Variants in CCT8 observed in about 807,000 individuals in gnomAD.
The protein encoded by CCT8 is T-complex protein 1 subunit theta.
A neutral mutation model predicts 65.7 loss-of-function variants in CCT8; 10 were observed. That is an observed-to-expected ratio of 0.15 (90% CI 0.09 to 0.26). The LOEUF is 0.26. Ranked by LOEUF, CCT8 falls within the 10% of genes least tolerant of loss-of-function variation. The pLI is 1.00. For missense variants in CCT8, 568 were observed against 669.1 expected, an observed-to-expected ratio of 0.85 and a Z score of 1.67; for synonymous variants, 199 against 221.8, an observed-to-expected ratio of 0.90 and a Z score of 0.92.
chr21:29,073,234 C>T, intron 1 of CCT8: 2 of 1,288,122 alleles, frequency 1.6e-6, no homozygotes, highest in South Asian at 1.8e-5. Flanking sequence ...GCCTTAGCCC[C>T]ATTTACGGAT....
At chr21:29,065,142 TG>T in intron 6 of CCT8, 37 bp from the exon 7 acceptor site, 1 of 1,600,942 alleles carries the variant, frequency 6.2e-7, no homozygotes, top group East Asian at 2.2e-5. Context: ...AGCAATCTCC[TG>T]AAAATAACAT....
chr21:29,073,095 G>A (rs975458132), intron 1 of CCT8: 20 of 207,144 alleles, frequency 9.7e-5, no homozygotes, highest in African/African-American at 4.2e-4. Context: ...CTCTTCTCTG[G>A]ATCGGCTAGT....
At position 29,062,213 on chromosome 21, in the gene CCT8, A is replaced by G; in HGVS notation, c.1127T>C (p.Val376Ala). 2 of 1,613,860 alleles carry G rather than the reference A, an allele frequency of 1.2e-6. No individual in the cohort carries two copies. ...EKEDGAISTIVLRGSTDNLMD... is the reference protein window; with the variant it reads ...EKEDGAISTIALRGSTDNLMD... ...CAGATTGTCTGTAGAGCCTCGAAGT[A>G]CTATGGTAGAAATGGCGCCATCTTC... The change falls in exon 11 of 15, where the codon GTA becomes GCA. Residue 376 changes from valine to alanine, a missense_variant. Coordinates refer to ENST00000286788, the MANE Select transcript of CCT8 (RefSeq NM_006585.4).
At chr21:29,071,918 C>T in intron 1 of CCT8, 3 of 702,170 alleles carry the variant, frequency 4.3e-6, no homozygotes, top group East Asian at 5.4e-5. Flanking sequence ...CCCTACGTAT[C>T]CCGGCCCTTG....
intron 8 of CCT8, among the ~76,000 whole-genome samples, chr21:29,063,071 C>T (rs2085581809): frequency 6.6e-6 from 1 of 152,166 alleles, no homozygotes; most frequent in Admixed American, 6.5e-5. Flanking sequence ...ATAGGCAATG[C>T]ACCAAGCTTG....
chr21:29,068,502 C>G (rs949076310), intron 3 of CCT8, among the ~76,000 whole-genome samples: 1 of 151,944 alleles, frequency 6.6e-6, no homozygotes, highest in African/African-American at 2.4e-5. Flanking sequence ...CTCTGTCGCC[C>G]AGGCTGGAGT....
intron 14 of CCT8, among the ~76,000 whole-genome samples, chr21:29,057,733 GATAT>G (rs144293608): frequency 4.1e-4 from 37 of 90,752 alleles, no homozygotes; most frequent in East Asian, 1.1e-3. Context: ...ATATATGTAT[GATAT>G]ATATATCATG....
At position 29,060,680 on chromosome 21, in the gene CCT8, T is replaced by G; in HGVS notation, c.1450-20A>C. 1 of 1,611,480 alleles carries G rather than the reference T, an allele frequency of 6.2e-7. No individual in the cohort carries two copies. Among genetic ancestry groups the G allele is most frequent in the Non-Finnish European group, 8.5e-7 (1 of 1,178,970 alleles). The stretch of plus-strand genomic sequence containing the variant: ...TTCAGCCTGTCAAACACAATTTTCA[T>G]CCTTTCATTTAAAATCCTTTTATGT... On this transcript the variant is annotated intron_variant, in intron 13 of 14. Transcript: ENST00000286788.
intron 6 of CCT8, among the ~76,000 whole-genome samples, chr21:29,066,081 CAAA>C (rs10597265): frequency 0.011 from 1,114 of 102,684 alleles, 9 homozygotes; most frequent in African/African-American, 0.034. Context: ...GACTCCATCT[CAAA>C]AAAAAAAAAA....
chr21:29,072,123 G>A lies in CCT8; in HGVS notation c.60+1408C>T, dbSNP rs551247274. 7 of 606,854 alleles carry A rather than the reference G, an allele frequency of 1.2e-5. No individual in the cohort carries two copies. The African/African-American group carries it at 1.3e-4, about 11-fold the overall frequency. The allele number at this position is 606,854 out of a possible 1,614,324, so 37.6% of individuals were successfully genotyped here. Reference sequence around the variant, plus strand: ...TCGGGGGAAACAGCCCAGGCTCAGGGGCTTCTCTCACTAAGCACTGAGCTA... The same window carrying A: ...TCGGGGGAAACAGCCCAGGCTCAGGAGCTTCTCTCACTAAGCACTGAGCTA... On this transcript the variant is annotated intron_variant, in intron 1 of 14. Transcript: ENST00000286788.
chr21:29,070,217 T>G (rs750554803), intron 2 of CCT8, 30 bp downstream of exon 2: 1 of 1,358,484 alleles, frequency 7.4e-7, no homozygotes, highest in South Asian at 1.2e-5. Context: ...TCTACTACTG[T>G]ATCTTTACAA....
In CCT8 at chr21:29,070,168, C is replaced by T. The variant is rs1294270927; in HGVS notation, c.151+79G>A. On this transcript the variant is annotated intron_variant, in intron 2 of 14. Transcript: ENST00000286788. ...AACTTCCGAAGTCATACCATAACAT[C>T]CTCAGAACAAGTCTGAAAGAAGACG... 4.8e-6 allele frequency: 4 copies of T among 827,546 alleles called. No individual in the cohort carries two copies. In the African/African-American group the frequency reaches 7.0e-5, roughly 14 times the overall value. The allele number at this position is 827,546 out of a possible 1,614,324, so 51.3% of individuals were successfully genotyped here.
At position 29,067,572 on chromosome 21, in the gene CCT8, C is replaced by T. The variant is rs751944032; in HGVS notation, c.365G>A (p.Gly122Asp). 5 of 1,460,936 alleles carry T rather than the reference C, an allele frequency of 3.4e-6. No individual in the cohort carries two copies. In the Admixed American group the frequency reaches 8.1e-5, roughly 24 times the overall value. 90.5% of individuals were successfully genotyped at this position (1,460,936 alleles called of 1,614,324 possible). Residue 122 changes from glycine (G) to aspartate (D), a missense_variant, in exon 4 of 15, where the codon GGC (glycine) becomes GAC (aspartate). Coordinates refer to ENST00000286788, the MANE Select transcript of CCT8 (RefSeq NM_006585.4). Reference sequence around the variant, plus strand: ...AACACTTGCCTCTGAAACTGACAGGCCAATCCTCAGAAGTTCTTCAGCTAA... The same window carrying T: ...AACACTTGCCTCTGAAACTGACAGGTCAATCCTCAGAAGTTCTTCAGCTAA... ...LELAEELLRI[G>D]LSVSEVIEGY...
At chr21:29,070,890 T>C (rs764290355) in intron 1 of CCT8, among the ~76,000 whole-genome samples, 1 of 152,264 alleles carries the variant, frequency 6.6e-6, no homozygotes, top group South Asian at 2.1e-4. Flanking sequence ...ATCTGGGCTT[T>C]TGTAAAGCCA....
chr21:29,063,657 T>C, intron 7 of CCT8, 127 bp from the exon 8 acceptor site: 4 of 819,124 alleles, frequency 4.9e-6, no homozygotes, highest in Non-Finnish European at 7.7e-6. Context: ...GTGCATATAT[T>C]ATGAAGCAGC....
At chr21:29,065,907 C>T (rs965259616) in intron 6 of CCT8, among the ~76,000 whole-genome samples, 1 of 151,666 alleles carries the variant, frequency 6.6e-6, no homozygotes, top group Non-Finnish European at 1.5e-5. Context: ...ATGGTGAAAC[C>T]CTGCCTCTAC....
chr21:29,064,989 A>T lies in CCT8; in HGVS notation c.741T>A (p.Asp247Glu), dbSNP rs748787550. The T allele has an allele frequency of 6.2e-7, 1 of 1,613,922 alleles. No individual in the cohort carries two copies. The highest frequency in any genetic ancestry group is 8.5e-7 in the Non-Finnish European group (1 of 1,179,898). ...ATACCTTAGTTTCTGTTATCATGCCATCAAAAGGACAAGAGTACACTGCTA... is the reference window on the plus strand; with the variant it reads ...ATACCTTAGTTTCTGTTATCATGCCTTCAAAAGGACAAGAGTACACTGCTA... ...AKIAVYSCPFDGMITETKGTV... is the reference protein window; with the variant it reads ...AKIAVYSCPFEGMITETKGTV... Residue 247 changes from aspartate (D) to glutamate (E), a missense_variant, in exon 7 of 15, where the codon GAT becomes GAA. By Grantham distance (45) the Asp-to-Glu change is conservative. Transcript: ENST00000286788.
At chr21:29,072,096 G>A (rs983457454) in intron 1 of CCT8, 75 of 629,136 alleles carry the variant, frequency 1.2e-4, no homozygotes, top group Non-Finnish European at 1.3e-4. Context: ...CTAAGTAAGA[G>A]GTCGGGGGAA....
chr21:29,064,409 T>TAAAA (rs34760776), intron 7 of CCT8, among the ~76,000 whole-genome samples: 8 of 26,716 alleles, frequency 3.0e-4, no homozygotes, highest in Admixed American at 1.2e-3. Flanking sequence ...AGCAAGACTC[T>TAAAA]AAAAAAAAAA....
Sources: allele counts gnomAD v4.1 joint callset (sites outside exome capture counted in the v4.1 genomes callset), GRCh38; gene constraint gnomAD v4.1.1; transcripts MANE v1.5; gene names NCBI Gene and HGNC (gene_info 2026-07-23, HGNC 2026-07-21).